The following PTPRD variants were observed in gnomAD, a reference collection of about 807,000 sequenced individuals.
PTPRD encodes the protein receptor-type tyrosine-protein phosphatase delta.
In PTPRD, 34 loss-of-function variants were observed where a neutral mutation model predicts 214.5. The ratio of observed to expected loss-of-function variants is 0.16; its 90% CI spans 0.12 to 0.21. The LOEUF (loss-of-function observed/expected upper bound fraction) is 0.21. Ranked by LOEUF, PTPRD falls within the 10% of genes least tolerant of loss-of-function variation. The pLI is 1.00. For missense variants in PTPRD, 2,545 were observed against 2,398.7 expected (o/e 1.06, Z -1.27); for synonymous variants, 1,128 against 845.7 (o/e 1.33, Z -5.79).
intron 10 of PTPRD, among the ~76,000 whole-genome samples, chr9:9,145,574 C>T (rs2099867277): frequency 6.6e-6 from 1 of 151,994 alleles, no homozygotes; most frequent in African/African-American, 2.4e-5. Context: ...ACCCCCAACC[C>T]GAATTTTAAA....
intron 4 of PTPRD, among the ~76,000 whole-genome samples, chr9:9,975,014 G>A (rs1366899080): frequency 6.6e-6 from 1 of 151,902 alleles, no homozygotes; most frequent in Non-Finnish European, 1.5e-5. Context: ...GACAATAAAT[G>A]CTCAAAATTT....
At chr9:10,241,694 G>A (rs527689617) in intron 3 of PTPRD, among the ~76,000 whole-genome samples, 2 of 152,048 alleles carry the variant, frequency 1.3e-5, no homozygotes, top group African/African-American at 2.4e-5. Flanking sequence ...CAGGGTTGGT[G>A]GAGGAACGGT....
intron 31 of PTPRD, among the ~76,000 whole-genome samples, chr9:8,468,538 T>A (rs1396675855): frequency 1.3e-5 from 2 of 152,024 alleles, no homozygotes; most frequent in South Asian, 4.1e-4. Flanking sequence ...AAAGGATAAA[T>A]GAACTCAGAA....
At chr9:10,575,463 G>A (rs2068926563) in intron 2 of PTPRD, among the ~76,000 whole-genome samples, 2 of 152,062 alleles carry the variant, frequency 1.3e-5, no homozygotes, top group Admixed American at 6.6e-5. Context: ...AAAAGCAGTT[G>A]CAAAACACCA....
At chr9:10,315,953 G>T (rs552018104) in intron 3 of PTPRD, among the ~76,000 whole-genome samples, 1 of 151,674 alleles carries the variant, frequency 6.6e-6, no homozygotes, top group South Asian at 2.1e-4. Context: ...ATAAAACTTG[G>T]AATCGCTTTT....
intron 3 of PTPRD, among the ~76,000 whole-genome samples, chr9:10,144,355 G>A (rs1406451637): frequency 5.3e-5 from 8 of 152,008 alleles, no homozygotes; most frequent in Non-Finnish European, 1.0e-4. Flanking sequence ...TATTTTTAAG[G>A]TAAGATGAAG....
chr9:10,449,289 C>T lies in PTPRD; in HGVS notation c.-599-108272G>A, dbSNP rs189626273. On this transcript the variant is annotated intron_variant, in intron 2 of 45. Transcript: ENST00000381196. ...CTCCTGACGGCGAGTGATCTGCCCA[C>T]CTGGGCCTCCCGAGGCGCCGGGATT... Among the ~76,000 whole-genome samples the T allele has an allele frequency of 2.3e-4, 35 of 152,020 alleles. 2 individuals are homozygous for T. Among genetic ancestry groups the T allele is most frequent in the African/African-American group, 7.8e-4 (32 of 41,284 alleles).
At chr9:9,140,362 C>T (rs2099858086) in intron 10 of PTPRD, among the ~76,000 whole-genome samples, 1 of 152,112 alleles carries the variant, frequency 6.6e-6, no homozygotes, top group Non-Finnish European at 1.5e-5. Flanking sequence ...TTTAAATCCC[C>T]ACTATTTTTT....
At chr9:9,448,101 G>T (rs2091044383) in intron 8 of PTPRD, among the ~76,000 whole-genome samples, 1 of 152,040 alleles carries the variant, frequency 6.6e-6, no homozygotes. Flanking sequence ...GAAAGGAAGG[G>T]TATGAAGACC....
intron 10 of PTPRD, among the ~76,000 whole-genome samples, chr9:9,024,314 C>T (rs529854844): frequency 3.4e-5 from 5 of 145,504 alleles, no homozygotes; most frequent in South Asian, 2.2e-4. Context: ...TTAGACCTGT[C>T]GAAAAGGCTA....
At chr9:8,534,324 T>C (rs569237114) in intron 14 of PTPRD, among the ~76,000 whole-genome samples, 1 of 151,948 alleles carries the variant, frequency 6.6e-6, no homozygotes, top group Admixed American at 6.6e-5. Flanking sequence ...TGTTATTCTA[T>C]CTATAGAATA....
At chr9:9,311,461 C>G (rs1958981856) in intron 9 of PTPRD, among the ~76,000 whole-genome samples, 2 of 152,154 alleles carry the variant, frequency 1.3e-5, no homozygotes, top group South Asian at 2.1e-4. Context: ...CACAAGGCTA[C>G]TGCTCCAATG....
At chr9:10,018,718 T>G (rs2096779889) in intron 4 of PTPRD, among the ~76,000 whole-genome samples, 2 of 150,424 alleles carry the variant, frequency 1.3e-5, no homozygotes, top group Admixed American at 6.6e-5. Flanking sequence ...CGGCTAATTT[T>G]TTTTGTATTT....
At chr9:10,212,727 C>T (rs1042019898) in intron 3 of PTPRD, among the ~76,000 whole-genome samples, 1 of 152,122 alleles carries the variant, frequency 6.6e-6, no homozygotes, top group East Asian at 1.9e-4. Context: ...ATTTTACAAT[C>T]TTGTTACTGT....
At chr9:8,747,594 G>C (rs1029373979) in intron 11 of PTPRD, among the ~76,000 whole-genome samples, 1 of 152,036 alleles carries the variant, frequency 6.6e-6, no homozygotes, top group African/African-American at 2.4e-5. Context: ...CTTAGTATGG[G>C]GTAATCCCTT....
intron 11 of PTPRD, among the ~76,000 whole-genome samples, chr9:8,911,415 T>TGTTTTGTGTGTGTG (rs1555510111): frequency 2.4e-5 from 3 of 127,632 alleles, no homozygotes; most frequent in African/African-American, 8.1e-5. Flanking sequence ...TGTGTGTGTG[T>TGTTTTGTGTGTGTG]TGTGTGTGTG....
chr9:10,436,795 C>G (rs1410121030), intron 2 of PTPRD, among the ~76,000 whole-genome samples: 3 of 151,732 alleles, frequency 2.0e-5, no homozygotes, highest in African/African-American at 7.3e-5. Flanking sequence ...ACGAGCTTGT[C>G]AAACATTCCT....
chr9:9,944,020 A>C (rs2092131480), intron 4 of PTPRD, among the ~76,000 whole-genome samples: 1 of 152,148 alleles, frequency 6.6e-6, no homozygotes, highest in African/African-American at 2.4e-5. Context: ...TAAAAGTTGG[A>C]AAACTCAAGG....
Position 9,652,076 on chromosome 9 carries a change from C to T in PTPRD, c.-286-77295G>A, listed in dbSNP as rs183576010. Among the ~76,000 whole-genome samples, 979 of 151,960 alleles carry T rather than the reference C, an allele frequency of 6.4e-3. 8 individuals carry two copies. The highest frequency in any genetic ancestry group is 0.023 in the African/African-American group (943 of 41,454). On this transcript the variant is annotated intron_variant, in intron 7 of 45. Coordinates refer to ENST00000381196, the MANE Select transcript of PTPRD (RefSeq NM_002839.4). ...CAGGATGGGCTCAATCTACTGACCT[C>T]GTGATCCGCCTGCCTTGGCCTCCCA...
Sources: allele counts gnomAD v4.1 joint callset (sites outside exome capture counted in the v4.1 genomes callset), GRCh38; gene constraint gnomAD v4.1.1; transcripts MANE v1.5; gene names NCBI Gene and HGNC (gene_info 2026-07-23, HGNC 2026-07-21).